Variants in CNTNAP5 observed in about 807,000 individuals in gnomAD.
CNTNAP5 encodes the protein contactin associated protein family member 5, also known as contactin-associated protein-like 5.
In CNTNAP5, 72 loss-of-function variants were observed where a neutral mutation model predicts 150.2. That is an observed-to-expected ratio of 0.48 (90% CI 0.40 to 0.58). The LOEUF (loss-of-function observed/expected upper bound fraction) is 0.58. CNTNAP5 is among the 20% of genes least tolerant of loss of function. The pLI is 0.00. For missense variants in CNTNAP5, 1,636 were observed against 1,626.2 expected, an observed-to-expected ratio of 1.01 and a Z score of -0.10; for synonymous variants, 672 against 619.8, an observed-to-expected ratio of 1.08 and a Z score of -1.25.
At chr2:124,799,460 A>C (rs532604832) in intron 19 of CNTNAP5, among the ~76,000 whole-genome samples, 1 of 152,350 alleles carries the variant, frequency 6.6e-6, no homozygotes, top group Admixed American at 6.5e-5. Context: ...TCCTGTGATC[A>C]AGAATACAAC....
chr2:124,027,676 A>G (rs1181730369), intron 1 of CNTNAP5, among the ~76,000 whole-genome samples: 3 of 152,230 alleles, frequency 2.0e-5, no homozygotes, highest in Non-Finnish European at 2.9e-5. Context: ...ATTTAAAATG[A>G]AACTTTGTGA....
At chr2:124,863,005 C>A (rs1677558073) in intron 19 of CNTNAP5, among the ~76,000 whole-genome samples, 1 of 152,086 alleles carries the variant, frequency 6.6e-6, no homozygotes, top group Non-Finnish European at 1.5e-5. Flanking sequence ...CAGATAGGAA[C>A]TCTGCTGAGA....
rs1484108194 is a variant in CNTNAP5, at chr2:124,524,392, C to A, written c.1417C>A (p.Pro473Thr). Reference sequence around the variant, plus strand: ...GCTCACTCTGGATGATGAAGCAGCACCCCCGGCTCCAGACAGCACTTGGGT... The same window carrying A: ...GCTCACTCTGGATGATGAAGCAGCAACCCCGGCTCCAGACAGCACTTGGGT... ...ITLTLDDEAA[P>T]PAPDSTWVQI... The change falls in exon 9 of 24, where the codon CCC becomes ACC. Residue 473 changes from proline to threonine, a missense_variant. By Grantham distance (38) the Pro-to-Thr change is conservative. Transcript: ENST00000682447. The A allele has an allele frequency of 1.9e-6, 3 of 1,613,710 alleles. No homozygotes were observed. Among genetic ancestry groups the A allele is most frequent in the South Asian group, 1.1e-5 (1 of 91,072 alleles).
chr2:124,396,601 G>A (rs891659976), intron 3 of CNTNAP5, among the ~76,000 whole-genome samples: 28 of 151,988 alleles, frequency 1.8e-4, no homozygotes, highest in Non-Finnish European at 3.1e-4. Flanking sequence ...AAAATAGCTT[G>A]GTACTTTAAA....
intron 16 of CNTNAP5, 48 bp from the exon 17 acceptor site, chr2:124,772,751 T>G: frequency 5.2e-4 from 760 of 1,448,210 alleles, no homozygotes; most frequent in Non-Finnish European, 6.7e-4. Context: ...GTGCCTTGAA[T>G]GAGCTAACAA....
intron 1 of CNTNAP5, among the ~76,000 whole-genome samples, chr2:124,153,768 C>A: frequency 6.6e-6 from 1 of 151,502 alleles, no homozygotes; most frequent in African/African-American, 2.4e-5. Flanking sequence ...TGCCACCACA[C>A]CCCGCTAATT....
chr2:124,276,947 T>C (rs912050840), intron 3 of CNTNAP5, among the ~76,000 whole-genome samples: 1 of 151,808 alleles, frequency 6.6e-6, no homozygotes, highest in Non-Finnish European at 1.5e-5. Flanking sequence ...CACAGAAAAA[T>C]GGGGCTCAGC....
At chr2:124,179,316 T>A (rs986701081) in intron 1 of CNTNAP5, among the ~76,000 whole-genome samples, 4 of 152,050 alleles carry the variant, frequency 2.6e-5, no homozygotes, top group Non-Finnish European at 5.9e-5. Context: ...TGTGCCACCA[T>A]GCCCGGCTAA....
chr2:124,698,502 A>C (rs575192286), intron 13 of CNTNAP5, among the ~76,000 whole-genome samples: 1 of 152,284 alleles, frequency 6.6e-6, no homozygotes, highest in Admixed American at 6.5e-5. Flanking sequence ...TAAGCAAGAA[A>C]TAGAACATTT....
intron 1 of CNTNAP5, among the ~76,000 whole-genome samples, chr2:124,166,727 C>A (rs1684815980): frequency 1.3e-5 from 2 of 152,198 alleles, no homozygotes; most frequent in South Asian, 4.1e-4. Context: ...CCAGAGGGAA[C>A]AAATCAGACA....
chr2:124,232,632 T>A (rs1375647946), intron 2 of CNTNAP5, among the ~76,000 whole-genome samples: 1 of 152,196 alleles, frequency 6.6e-6, no homozygotes, highest in Non-Finnish European at 1.5e-5. Flanking sequence ...TCCTTTTGAG[T>A]ATCTCACTCC....
chr2:124,328,160 A>T (rs1689267133), intron 3 of CNTNAP5, among the ~76,000 whole-genome samples: 1 of 151,976 alleles, frequency 6.6e-6, no homozygotes, highest in South Asian at 2.1e-4. Context: ...TTTGAAGGAC[A>T]ATGTATTGTT....
At chr2:124,787,518 C>T (rs780686090) in intron 17 of CNTNAP5, among the ~76,000 whole-genome samples, 18 of 152,226 alleles carry the variant, frequency 1.2e-4, no homozygotes, top group African/African-American at 3.9e-4. Flanking sequence ...GAATGCAAGA[C>T]GAGATCTATC....
chr2:124,138,270 A>G (rs892459019), intron 1 of CNTNAP5, among the ~76,000 whole-genome samples: 4 of 152,152 alleles, frequency 2.6e-5, no homozygotes, highest in African/African-American at 9.7e-5. Flanking sequence ...CAGCAACAAC[A>G]AGCAAATGAG....
intron 1 of CNTNAP5, among the ~76,000 whole-genome samples, chr2:124,168,054 C>T (rs59015673): frequency 0.02 from 3,087 of 152,268 alleles, 105 homozygotes; most frequent in African/African-American, 0.069. Flanking sequence ...AGGGCACAAG[C>T]CTCATGAAAC....
chr2:124,344,964 G>A (rs112821644), intron 3 of CNTNAP5, among the ~76,000 whole-genome samples: 7 of 152,152 alleles, frequency 4.6e-5, no homozygotes, highest in Non-Finnish European at 8.8e-5. Context: ...GAAGTGGGGA[G>A]AAGCAGGAAA....
intron 3 of CNTNAP5, among the ~76,000 whole-genome samples, chr2:124,379,183 A>G (rs1008157375): frequency 4.6e-5 from 7 of 151,188 alleles, no homozygotes; most frequent in African/African-American, 1.7e-4. Flanking sequence ...ACACATCATT[A>G]TCACGCAGAG....
intron 21 of CNTNAP5, among the ~76,000 whole-genome samples, chr2:124,902,063 G>C (rs965983211): frequency 2.0e-5 from 3 of 151,794 alleles, no homozygotes; most frequent in Admixed American, 6.6e-5. Flanking sequence ...TACACCTTAG[G>C]AAAAAAGATG....
intron 22 of CNTNAP5, among the ~76,000 whole-genome samples, chr2:124,906,043 A>T (rs894029121): frequency 2.0e-5 from 3 of 152,142 alleles, no homozygotes; most frequent in Admixed American, 6.6e-5. Context: ...TAGCCCTGAG[A>T]GGGGCAGTGT....
Sources: gnomAD v4.1 joint callset for allele counts (sites outside exome capture counted in the v4.1 genomes callset) on GRCh38, gnomAD v4.1.1 for gene constraint, MANE v1.5 for transcripts, NCBI Gene and HGNC (gene_info 2026-07-23, HGNC 2026-07-21) for gene names.